Variants in CSMD1 observed in about 807,000 individuals in gnomAD.
The protein encoded by CSMD1 is CUB and Sushi multiple domains 1.
A neutral mutation model predicts 417.5 loss-of-function variants in CSMD1; 213 were observed. That is an observed-to-expected ratio of 0.51 (90% CI 0.46 to 0.57). The LOEUF (loss-of-function observed/expected upper bound fraction) is 0.57. Among genes scored for constraint, CSMD1 ranks in the 20% least tolerant of loss-of-function variants. The probability of loss-of-function intolerance (pLI) is 0.00; values close to 1 mark genes in which losing one functional copy is unlikely to be tolerated. For missense variants in CSMD1, 6,923 were observed against 4,529.7 expected, an observed-to-expected ratio of 1.53 and a Z score of -15.17; for synonymous variants, 2,862 against 1,736.8, an observed-to-expected ratio of 1.65 and a Z score of -16.11.
In CSMD1 at chr8:3,289,052, C is replaced by T. The variant is rs572871096; in HGVS notation, c.3951-4706G>A. ...CCGTGTGTTCTCATTGTTCAATTCC[C>T]ACCTATGAGGGAGAACATGCGGTAT... On this transcript the variant is annotated intron_variant, in intron 25 of 69. Transcript: ENST00000635120. Among the ~76,000 whole-genome samples, 8 of 147,032 alleles carry T rather than the reference C, an allele frequency of 5.4e-5. 1 individual carries two copies. The highest frequency in any genetic ancestry group is 1.9e-4 in the African/African-American group (7 of 36,910).
intron 3 of CSMD1, among the ~76,000 whole-genome samples, chr8:4,349,748 T>C (rs10091551): frequency 0.21 from 31,298 of 151,960 alleles, 4,463 homozygotes; most frequent in African/African-American, 0.41. Context: ...ATTTTTCAAA[T>C]GCCCAAATGA....
intron 5 of CSMD1, among the ~76,000 whole-genome samples, chr8:3,804,485 T>A (rs937427875): frequency 1.3e-5 from 2 of 152,342 alleles, no homozygotes; most frequent in Non-Finnish European, 2.9e-5. Flanking sequence ...AATAATGGAT[T>A]TGATCACTTT....
At chr8:3,566,117 G>T (rs894270461) in intron 10 of CSMD1, among the ~76,000 whole-genome samples, 4 of 151,906 alleles carry the variant, frequency 2.6e-5, no homozygotes, top group African/African-American at 7.3e-5. Flanking sequence ...CGGAGAAGAA[G>T]GAGAGGGAAA....
chr8:4,468,158 T>A (rs1033339872), intron 2 of CSMD1, among the ~76,000 whole-genome samples: 2 of 152,154 alleles, frequency 1.3e-5, no homozygotes, highest in Non-Finnish European at 2.9e-5. Flanking sequence ...GCTCTCTATT[T>A]TCTGTGCTCT....
intron 11 of CSMD1, among the ~76,000 whole-genome samples, chr8:3,481,580 G>C (rs1817752056): frequency 6.6e-6 from 1 of 152,170 alleles, no homozygotes; most frequent in South Asian, 2.1e-4. Flanking sequence ...GAAAGATTTT[G>C]CAAATGTGAT....
intron 10 of CSMD1, among the ~76,000 whole-genome samples, chr8:3,507,210 G>T (rs543306998): frequency 6.6e-6 from 1 of 152,128 alleles, no homozygotes. Context: ...AATCTATTTT[G>T]TAACATTAGG....
chr8:4,496,340 C>G (rs1801976385), intron 2 of CSMD1, among the ~76,000 whole-genome samples: 1 of 152,192 alleles, frequency 6.6e-6, no homozygotes, highest in Admixed American at 6.5e-5. Flanking sequence ...TCTGCTCAGA[C>G]TGCCTCCAGT....
At position 4,673,311 on chromosome 8, in the gene CSMD1, AC is replaced by A. The variant is rs767018503; in HGVS notation, c.86-35754del. ...ACTATTAAAACGCATAAAATGCAAG[AC>A]CCAAAGACTCCAGGGCAAAGTTAGT... On this transcript the variant is annotated intron_variant, in intron 1 of 69. Transcript: ENST00000635120. Among the ~76,000 whole-genome samples the A allele has an allele frequency of 5.9e-5, 9 of 152,322 alleles. No homozygotes were observed. In the East Asian group the frequency reaches 1.7e-3, roughly 29 times the overall value.
At chr8:4,130,348 G>T (rs1283163468) in intron 3 of CSMD1, among the ~76,000 whole-genome samples, 1 of 152,086 alleles carries the variant, frequency 6.6e-6, no homozygotes, top group Admixed American at 6.6e-5. Flanking sequence ...AAGACCCCCA[G>T]TAATGGAAGT....
chr8:3,990,830 GGTA>G (rs1390682235), intron 5 of CSMD1, among the ~76,000 whole-genome samples: 1 of 152,120 alleles, frequency 6.6e-6, no homozygotes, highest in African/African-American at 2.4e-5. Flanking sequence ...ATACGCTCCT[GGTA>G]GTGAATCAGA....
intron 3 of CSMD1, among the ~76,000 whole-genome samples, chr8:4,331,547 G>C (rs75758201): frequency 0.055 from 8,355 of 152,188 alleles, 262 homozygotes; most frequent in Middle Eastern, 0.15. Context: ...AAGCCTGGCA[G>C]TATGAATTAA....
intron 7 of CSMD1, among the ~76,000 whole-genome samples, chr8:3,640,432 C>A (rs757326022): frequency 2.0e-5 from 3 of 152,184 alleles, no homozygotes; most frequent in African/African-American, 4.8e-5. Flanking sequence ...GACCATCTTT[C>A]CTATGTCCTC....
intron 1 of CSMD1, among the ~76,000 whole-genome samples, chr8:4,975,200 T>A (rs1296384660): frequency 6.6e-6 from 1 of 152,190 alleles, no homozygotes; most frequent in Non-Finnish European, 1.5e-5. Flanking sequence ...CCACGGTGAC[T>A]TTTCTTTCCA....
Position 4,329,644 on chromosome 8 carries a change from T to C in CSMD1, c.415+90309A>G, listed in dbSNP as rs945953625. 1.1e-4 allele frequency among the ~76,000 whole-genome samples: 16 copies of C among 152,234 alleles called. No homozygotes were observed. The South Asian group carries it at 1.7e-3, about 16-fold the overall frequency. On this transcript the variant is annotated intron_variant, in intron 3 of 69. Transcript: ENST00000635120. ...TACATGTATGCCCAAACCTCAGTGA[T>C]ATCGTTTGGATCTGTATCCCCACCC...
At chr8:4,446,755 C>CTGTGTGTGTGTGTGTGTGTCTG (rs1798825838) in intron 2 of CSMD1, among the ~76,000 whole-genome samples, 1 of 132,950 alleles carries the variant, frequency 7.5e-6, no homozygotes, top group African/African-American at 2.9e-5. Flanking sequence ...GTGTGTGTGT[C>CTGTGTGTGTGTGTGTGTGTCTG]TGTGTGTGTG....
At chr8:3,538,236 G>A (rs1563133642) in intron 10 of CSMD1, among the ~76,000 whole-genome samples, 1 of 152,190 alleles carries the variant, frequency 6.6e-6, no homozygotes, top group Non-Finnish European at 1.5e-5. Flanking sequence ...AGTAGCAATG[G>A]CACACCTGAG....
At chr8:3,107,894 C>G (rs1317506603) in intron 44 of CSMD1, 96 bp from the exon 45 acceptor site, 6 of 753,356 alleles carry the variant, frequency 8.0e-6, no homozygotes, top group Non-Finnish European at 6.7e-6. Context: ...TGTTATAATG[C>G]TTAAGTACAC....
chr8:4,822,261 C>T (rs1799566356), intron 1 of CSMD1, among the ~76,000 whole-genome samples: 1 of 152,128 alleles, frequency 6.6e-6, no homozygotes, highest in Admixed American at 6.6e-5. Flanking sequence ...ACTAGAGGAT[C>T]CGATTATGGG....
chr8:4,445,597 A>T (rs1477406511), intron 2 of CSMD1, among the ~76,000 whole-genome samples: 1 of 152,194 alleles, frequency 6.6e-6, no homozygotes, highest in Non-Finnish European at 1.5e-5. Context: ...TTTAAGAAAG[A>T]ACTGTGTGTT....
Sources: allele counts gnomAD v4.1 joint callset (sites outside exome capture counted in the v4.1 genomes callset), GRCh38; gene constraint gnomAD v4.1.1; transcripts MANE v1.5; gene names NCBI Gene and HGNC (gene_info 2026-07-23, HGNC 2026-07-21).